Variants in PDE10A observed in about 807,000 individuals in gnomAD.
PDE10A encodes phosphodiesterase 10A.
In PDE10A, 39 loss-of-function variants were observed where a neutral mutation model predicts 97.7. The observed-to-expected ratio is 0.40, with a 90% CI of 0.31 to 0.52. The LOEUF (loss-of-function observed/expected upper bound fraction) is 0.52. Ranked by LOEUF, PDE10A falls within the 20% of genes least tolerant of loss-of-function variation. PDE10A has a pLI of 0.56. For synonymous variants in PDE10A, 371 were observed against 376.8 expected (o/e 0.98, Z 0.18); for missense variants, 731 against 1,047.8 (o/e 0.70, Z 4.17).
At chr6:165,973,389 A>C (rs940828054) in intron 1 of PDE10A, among the ~76,000 whole-genome samples, 9 of 151,134 alleles carry the variant, frequency 6.0e-5, no homozygotes, top group South Asian at 4.2e-4. Flanking sequence ...CTCCAGCCTG[A>C]GTGAAAAGAG....
At chr6:165,385,345 T>C (rs1785233355) in intron 17 of PDE10A, among the ~76,000 whole-genome samples, 2 of 152,120 alleles carry the variant, frequency 1.3e-5, no homozygotes, top group Admixed American at 1.3e-4. Flanking sequence ...GCATACTGAA[T>C]ACAGGGTTCA....
chr6:165,461,009 T>C (rs541233311), intron 3 of PDE10A, among the ~76,000 whole-genome samples: 1 of 152,256 alleles, frequency 6.6e-6, no homozygotes, highest in African/African-American at 2.4e-5. Context: ...CCAATTTGGA[T>C]AGAACAATGG....
intron 13 of PDE10A, among the ~76,000 whole-genome samples, chr6:165,406,666 T>C (rs1562432116): frequency 6.6e-6 from 1 of 152,144 alleles, no homozygotes; most frequent in South Asian, 2.1e-4. Flanking sequence ...GGATAGCAGG[T>C]AGAGCATGAT....
At chr6:165,722,696 G>A (rs1252552436) in intron 1 of PDE10A, among the ~76,000 whole-genome samples, 1 of 152,154 alleles carries the variant, frequency 6.6e-6, no homozygotes, top group South Asian at 2.1e-4. Flanking sequence ...TAAGGTGGGA[G>A]ATGGTGTCTA....
chr6:165,834,168 A>G (rs1361534625), intron 1 of PDE10A, among the ~76,000 whole-genome samples: 1 of 152,198 alleles, frequency 6.6e-6, no homozygotes, highest in Admixed American at 6.5e-5. Context: ...TTACCCAGGC[A>G]GAACACCTGC....
intron 1 of PDE10A, among the ~76,000 whole-genome samples, chr6:165,678,337 G>T (rs540971641): frequency 5.2e-5 from 6 of 115,124 alleles, no homozygotes; most frequent in Non-Finnish European, 1.8e-5. Flanking sequence ...CCTTCTGTTT[G>T]TTTCTCAGGA....
In PDE10A at chr6:165,448,920, A is replaced by G. The variant is rs199688821; in HGVS notation, c.1194+8T>C. ...CTAGAGCACCAAAATCTAAATTTAGATACTTACATTATTGCACTCTCCAAG... is the reference window on the plus strand; with the variant it reads ...CTAGAGCACCAAAATCTAAATTTAGGTACTTACATTATTGCACTCTCCAAG... On this transcript the variant is annotated splice_region_variant and intron_variant, in intron 5 of 21. Coordinates refer to ENST00000539869, the MANE Select transcript of PDE10A (RefSeq NM_001385079.1). 1 of 1,588,714 alleles carries G rather than the reference A, an allele frequency of 6.3e-7. No individual in the cohort carries two copies. The highest frequency in any genetic ancestry group is 8.6e-7 in the Non-Finnish European group (1 of 1,160,474).
intron 1 of PDE10A, among the ~76,000 whole-genome samples, chr6:165,755,981 G>A (rs555995045): frequency 4.6e-5 from 7 of 152,260 alleles, no homozygotes; most frequent in East Asian, 3.9e-4. Context: ...GCAGGTTCCC[G>A]GGAAGACACA....
chr6:165,459,518 TAGATAGACAGACAGACAGAC>T (rs1432063156), intron 3 of PDE10A, among the ~76,000 whole-genome samples: 132 of 80,916 alleles, frequency 1.6e-3, no homozygotes, highest in Admixed American at 3.3e-3. Flanking sequence ...GATAGATAGA[TAGATAGACAGACAGACAGAC>T]AGACAGACAG....
At chr6:165,487,636 T>G (rs471544) in intron 2 of PDE10A, among the ~76,000 whole-genome samples, 1 of 151,912 alleles carries the variant, frequency 6.6e-6, no homozygotes, top group Non-Finnish European at 1.5e-5. Context: ...CAGTCACTAG[T>G]GATATTACAT....
chr6:165,802,062 G>A (rs1031700025), intron 1 of PDE10A, among the ~76,000 whole-genome samples: 2 of 152,216 alleles, frequency 1.3e-5, no homozygotes, highest in African/African-American at 4.8e-5. Context: ...CCATAACTGA[G>A]CAGAAAGATT....
intron 3 of PDE10A, among the ~76,000 whole-genome samples, chr6:165,456,174 A>C (rs939605398): frequency 2.0e-5 from 3 of 152,148 alleles, no homozygotes; most frequent in South Asian, 2.1e-4. Flanking sequence ...TCTTTACCCC[A>C]CAGTCTTTAA....
intron 1 of PDE10A, among the ~76,000 whole-genome samples, chr6:165,691,806 T>A (rs1378432555): frequency 6.6e-6 from 1 of 152,208 alleles, no homozygotes; most frequent in Non-Finnish European, 1.5e-5. Flanking sequence ...CCTGGCTGCG[T>A]GTCCTGTGTC....
chr6:165,849,361 G>T, intron 1 of PDE10A, among the ~76,000 whole-genome samples: 1 of 152,198 alleles, frequency 6.6e-6, no homozygotes, highest in South Asian at 2.1e-4. Context: ...TCTCTGCAGT[G>T]TCATCCATCC....
intron 1 of PDE10A, among the ~76,000 whole-genome samples, chr6:165,790,216 G>A (rs921855628): frequency 6.6e-6 from 1 of 152,138 alleles, no homozygotes; most frequent in Non-Finnish European, 1.5e-5. Context: ...GGAAGGCATC[G>A]TATTCATCCA....
intron 1 of PDE10A, among the ~76,000 whole-genome samples, chr6:165,823,713 CAGTT>C (rs1364006177): frequency 6.6e-6 from 1 of 150,628 alleles, no homozygotes; most frequent in African/African-American, 2.4e-5. Flanking sequence ...GCTGGCATCA[CAGTT>C]GGTTTGTTTA....
chr6:165,439,509 G>A (rs1790278304), intron 5 of PDE10A, among the ~76,000 whole-genome samples: 1 of 152,182 alleles, frequency 6.6e-6, no homozygotes, highest in African/African-American at 2.4e-5. Flanking sequence ...AGTTCCAGAG[G>A]TGATGGTGAC....
intron 3 of PDE10A, among the ~76,000 whole-genome samples, chr6:165,451,110 T>G (rs529133858): frequency 6.6e-6 from 1 of 152,210 alleles, no homozygotes; most frequent in East Asian, 1.9e-4. Flanking sequence ...TTCCTTTCCA[T>G]CTATATGGCT....
chr6:165,943,203 GAAAGAAAGAAAGAAAGAAAGAAA>G (rs1783604489), intron 1 of PDE10A, among the ~76,000 whole-genome samples: 1 of 53,340 alleles, frequency 1.9e-5, no homozygotes, highest in African/African-American at 9.6e-5. Context: ...AAGAAAGAAA[GAAAGAAAGAAAGAAAGAAAGAAA>G]GAAAGAAAGA....
Sources: gnomAD v4.1 joint callset for allele counts (sites outside exome capture counted in the v4.1 genomes callset) on GRCh38, gnomAD v4.1.1 for gene constraint, MANE v1.5 for transcripts, NCBI Gene and HGNC (gene_info 2026-07-23, HGNC 2026-07-21) for gene names.